Variants in KRT4 observed in about 807,000 individuals in gnomAD.
KRT4 encodes keratin 4, also known as keratin, type II cytoskeletal 4.
A neutral mutation model predicts 50.6 loss-of-function variants in KRT4; 47 were observed. That is an observed-to-expected ratio of 0.93 (90% CI 0.73 to 1.18). KRT4 has a LOEUF of 1.18. Among genes scored for constraint, KRT4 ranks in the 50% most tolerant of loss-of-function variants. The pLI is 0.00. For synonymous variants in KRT4, 254 were observed against 251.2 expected (o/e 1.01, Z -0.10); for missense variants, 651 against 645.7 (o/e 1.01, Z -0.09).
In KRT4 at chr12:52,814,082, C is replaced by T. The variant is rs1175675653; in HGVS notation, c.-24G>A. The T allele has an allele frequency of 6.2e-7, 1 of 1,613,722 alleles. No individual in the cohort carries two copies. Among genetic ancestry groups the T allele is most frequent in the Non-Finnish European group, 8.5e-7 (1 of 1,179,804 alleles). On this transcript the variant is annotated 5_prime_UTR_variant, in exon 1 of 9. Transcript: ENST00000551956. ...ATGGCTGCAGAGAGCGAGCTGGGAG[C>T]TATCAGAGAAGTGACAGGGCCCAGG...
chr12:52,810,326 T>A (rs990625357), intron 3 of KRT4, among the ~76,000 whole-genome samples: 3 of 152,152 alleles, frequency 2.0e-5, no homozygotes, highest in Non-Finnish European at 2.9e-5. Flanking sequence ...GGCAGGCGGA[T>A]GACCTGAGGT....
chr12:52,809,989 G>A (rs576451508), intron 3 of KRT4, among the ~76,000 whole-genome samples: 94 of 152,126 alleles, frequency 6.2e-4, no homozygotes, highest in African/African-American at 2.2e-3. Context: ...TATCTTAAGT[G>A]AAACAACTCA....
Position 52,808,611 on chromosome 12 carries a change from T to A in KRT4, c.999+75A>T. The A allele has an allele frequency of 1.9e-6, 3 of 1,555,278 alleles. No individual in the cohort carries two copies. The Middle Eastern group carries it at 5.2e-4, about 270-fold the overall frequency. ...CTGACTTCTATTGGGCTTGAGCTAA[T>A]GATCACCTGTTCACAGACATCAAAA... On this transcript the variant is annotated intron_variant, in intron 5 of 8. Transcript: ENST00000551956.
At chr12:52,809,570 C>A in intron 3 of KRT4, 92 bp from the exon 4 acceptor site, 1 of 915,870 alleles carries the variant, frequency 1.1e-6, no homozygotes, top group Admixed American at 1.7e-5. Flanking sequence ...TTCTCAGCAG[C>A]ATTTAGGAAA....
chr12:52,811,539 A>G (rs1939910086), intron 2 of KRT4: 2 of 566,636 alleles, frequency 3.5e-6, no homozygotes, highest in African/African-American at 1.9e-5. Context: ...TATATGGCAG[A>G]CCCAAATCCC....
chr12:52,810,825 G>A lies in KRT4; in HGVS notation c.678-9C>T, dbSNP rs182844060. 4.3e-6 allele frequency: 7 copies of A among 1,612,686 alleles called. No individual in the cohort carries two copies. In the Admixed American group the frequency reaches 1.0e-4, roughly 23 times the overall value. ...TGATCTCCTCTTCATACCTGGGGGTGGGCACGGGGAGAAAAAGACAAAAAC... is the reference window on the plus strand; with the variant it reads ...TGATCTCCTCTTCATACCTGGGGGTAGGCACGGGGAGAAAAAGACAAAAAC... On this transcript the variant is annotated splice_polypyrimidine_tract_variant and intron_variant, in intron 2 of 8. Transcript: ENST00000551956.
At chr12:52,809,247 T>C (rs928891669) in intron 4 of KRT4, 136 bp downstream of exon 4, 15 of 757,172 alleles carry the variant, frequency 2.0e-5, no homozygotes, top group Non-Finnish European at 3.6e-5. Context: ...AACCTTTCTA[T>C]GCATGACCTT....
rs1939854471 is a variant in KRT4, at chr12:52,808,788, GT to G, written c.896del (p.Asn299ThrfsTer50). 1.2e-6 allele frequency: 2 copies of G among 1,614,084 alleles called. No individual in the cohort carries two copies. The highest frequency in any genetic ancestry group is 1.7e-6 in the Non-Finnish European group (2 of 1,180,034). On this transcript the variant is annotated frameshift_variant, in exon 5 of 9. Transcript: ENST00000551956. LOFTEE classifies it high-confidence loss of function. Reference sequence around the variant, plus strand: ...TAATGCTGTCCAGGTCCAGGTTGCGGTTGTTGTCCATGGAAAGGACCACGGA... The same window carrying G: ...TAATGCTGTCCAGGTCCAGGTTGCGGTGTTGTCCATGGAAAGGACCACGGA... ...DTSVVLSMDN[N>X]RNLDLDSIIA...
chr12:52,813,529 G>T, intron 1 of KRT4, 68 bp downstream of exon 1: 3 of 1,409,476 alleles, frequency 2.1e-6, no homozygotes, highest in Non-Finnish European at 3.0e-6. Flanking sequence ...GCAGGCTCAG[G>T]TCTGAGACCC....
rs778500262 is a variant in KRT4, at chr12:52,814,098, A to G, written c.-40T>C. 2.5e-6 allele frequency: 4 copies of G among 1,613,880 alleles called. No individual in the cohort carries two copies. In the Admixed American group the frequency reaches 5.0e-5, roughly 20 times the overall value. ...AGCTGGGAGCTATCAGAGAAGTGAC[A>G]GGGCCCAGGCCGGTGAGTGCTGGAG... On this transcript the variant is annotated 5_prime_UTR_variant, in exon 1 of 9. Coordinates refer to ENST00000551956, the MANE Select transcript of KRT4 (RefSeq NM_002272.4).
In KRT4 at chr12:52,811,975, C is replaced by A. The variant is rs777927622; in HGVS notation, c.465G>T (p.Val155=). The A allele has an allele frequency of 6.8e-6, 11 of 1,612,340 alleles. No individual in the cohort carries two copies. The African/African-American group carries it at 1.3e-4, about 20-fold the overall frequency. The change falls in exon 2 of 9, where the codon GTG becomes GTT. Residue 155 remains valine, a splice_region_variant and synonymous_variant. Transcript: ENST00000551956. ...NNKFASFIDK[V]QFLEQQNKVL... is the part of the protein sequence containing the mutation. The stretch of plus-strand genomic sequence containing the variant: ...CCTTATTCTGTTGCTCTAAGAACTG[C>A]ACCTGTGTTGATAAAGGCACCAGCC...
chr12:52,812,037 C>T, intron 1 of KRT4, 60 bp from the exon 2 acceptor site: 1 of 1,360,194 alleles, frequency 7.4e-7, no homozygotes, highest in Non-Finnish European at 1.0e-6. Context: ...GGAGGGCCAG[C>T]CAAGGCAACA....
At position 52,808,422 on chromosome 12, in the gene KRT4, A is replaced by C. The variant is rs1939845590; in HGVS notation, c.1000-3T>G. ...ACCGAGATCTGGAGCTGCTGGACCT[A>C]AGACTCAAGAAGACACAGAGAACCA... On this transcript the variant is annotated splice_region_variant and splice_polypyrimidine_tract_variant and intron_variant, in intron 5 of 8. Coordinates refer to ENST00000551956, the MANE Select transcript of KRT4 (RefSeq NM_002272.4). 3.1e-6 allele frequency: 5 copies of C among 1,613,462 alleles called. No homozygotes were observed. Among genetic ancestry groups the C allele is most frequent in the Non-Finnish European group, 4.2e-6 (5 of 1,180,024 alleles).
At chr12:52,807,456 C>T (rs1939819955) in intron 7 of KRT4, 63 bp from the exon 8 acceptor site, 3 of 1,581,220 alleles carry the variant, frequency 1.9e-6, no homozygotes, top group East Asian at 2.2e-5. Flanking sequence ...ATAAGCATGC[C>T]TCACTCACCT....
rs773259810 is a variant in KRT4, at chr12:52,807,368, C to T, written c.1372G>A (p.Val458Met). The change falls in exon 8 of 9, where the codon GTG (valine) becomes ATG (methionine). Residue 458 changes from valine to methionine, a missense_variant. Transcript: ENST00000551956. ...YRMSGECQSA[V>M]SISVVSGSTS... ...CGTGGAAGGTACTTACAGATGCTCA[C>T]GGCACTCTGGCATTCTCCAGACATT... is the stretch of plus-strand genomic sequence containing the variant. 16 of 1,614,098 alleles carry T rather than the reference C, an allele frequency of 9.9e-6. No individual in the cohort carries two copies. The highest frequency in any genetic ancestry group is 4.5e-5 in the East Asian group (2 of 44,900).
At position 52,807,276 on chromosome 12, in the gene KRT4, G is replaced by T; in HGVS notation, c.1382-26C>A. On this transcript the variant is annotated intron_variant, in intron 8 of 8. Coordinates refer to ENST00000551956, the MANE Select transcript of KRT4 (RefSeq NM_002272.4). The stretch of plus-strand genomic sequence containing the variant: ...CTGCAGAAAAGACACAAAAGACACA[G>T]TTATTCCAATGCTGCCAGCACCCCA... The T allele has an allele frequency of 3.7e-6, 6 of 1,614,148 alleles. No homozygotes were observed. The South Asian group carries it at 5.5e-5, about 15-fold the overall frequency.
intron 1 of KRT4, among the ~76,000 whole-genome samples, chr12:52,812,605 C>G (rs1474037112): frequency 3.3e-5 from 5 of 152,194 alleles, no homozygotes; most frequent in African/African-American, 1.2e-4. Context: ...TGTTATGAGC[C>G]TCAGAATTGA....
At position 52,808,303 on chromosome 12, in the gene KRT4, G is replaced by C. The variant is rs1939838363; in HGVS notation, c.1116C>G (p.Ile372Met). The C allele has an allele frequency of 6.2e-7, 1 of 1,614,016 alleles. No homozygotes were observed. The highest frequency in any genetic ancestry group is 1.3e-5 in the African/African-American group (1 of 74,912). ...AGGGAGTGACACCCACCTGCTTCTTGATGTTCTCGATCTCTGCCCGCAGCC... is the reference window on the plus strand; with the variant it reads ...AGGGAGTGACACCCACCTGCTTCTTCATGTTCTCGATCTCTGCCCGCAGCC... ...IQRLRAEIEN[I>M]KKQCQTLQVS... The change falls in exon 6 of 9, where the codon ATC (isoleucine) becomes ATG (methionine). Residue 372 changes from isoleucine to methionine, a missense_variant. Physicochemically the swap from Ile to Met is conservative, Grantham distance 10 (BLOSUM62 1). Coordinates refer to ENST00000551956, the MANE Select transcript of KRT4 (RefSeq NM_002272.4).
Position 52,808,340 on chromosome 12 carries a change from C to T in KRT4, c.1079G>A (p.Arg360Lys), listed in dbSNP as rs867189920. 1 of 1,614,120 alleles carries T rather than the reference C, an allele frequency of 6.2e-7. No homozygotes were observed. The highest frequency in any genetic ancestry group is 1.7e-5 in the Admixed American group (1 of 60,024). The part of the protein sequence containing the change: ...NTKSEIAELN[R>K]MIQRLRAEIE... The stretch of plus-strand genomic sequence containing the variant: ...CTCTGCCCGCAGCCTCTGGATCATC[C>T]TGTTGAGCTCTGCAATTTCACTCTT... Residue 360 changes from arginine (R) to lysine (K), a missense_variant, in exon 6 of 9, where the codon AGG becomes AAG. Transcript: ENST00000551956.
Sources: allele counts gnomAD v4.1 joint callset (sites outside exome capture counted in the v4.1 genomes callset), GRCh38; gene constraint gnomAD v4.1.1; transcripts MANE v1.5; gene names NCBI Gene and HGNC (gene_info 2026-07-23, HGNC 2026-07-21).